Variants in FNDC3B observed in about 807,000 individuals in gnomAD.
FNDC3B encodes the protein fibronectin type III domain containing 3B.
FNDC3B carries 12 observed loss-of-function variants against 151.5 expected under a neutral mutation model. That is an observed-to-expected ratio of 0.08 (90% CI 0.05 to 0.13). FNDC3B has a LOEUF of 0.13. Ranked by LOEUF, FNDC3B falls within the 10% of genes least tolerant of loss-of-function variation. The pLI is 1.00. For synonymous variants in FNDC3B, 528 were observed against 549.0 expected (o/e 0.96, Z 0.54); for missense variants, 1,214 against 1,505.3 (o/e 0.81, Z 3.20).
chr3:172,194,842 T>C (rs533152186), intron 3 of FNDC3B, among the ~76,000 whole-genome samples: 1 of 152,320 alleles, frequency 6.6e-6, no homozygotes, highest in African/African-American at 2.4e-5. Flanking sequence ...CTAATTCTAA[T>C]ACCATGGTGA....
intron 1 of FNDC3B, among the ~76,000 whole-genome samples, chr3:172,051,443 A>G (rs1229658543): frequency 6.6e-6 from 1 of 152,178 alleles, no homozygotes; most frequent in East Asian, 1.9e-4. Context: ...TCGTGGGTAC[A>G]CAGTAAATAT....
chr3:172,055,975 G>T (rs1044776936), intron 1 of FNDC3B, among the ~76,000 whole-genome samples: 6 of 152,068 alleles, frequency 3.9e-5, no homozygotes, highest in Non-Finnish European at 7.4e-5. Flanking sequence ...TAGAGACGGG[G>T]TTTCACCATG....
At chr3:172,194,919 C>T (rs1397545621) in intron 3 of FNDC3B, among the ~76,000 whole-genome samples, 11 of 152,140 alleles carry the variant, frequency 7.2e-5, no homozygotes, top group African/African-American at 2.4e-4. Context: ...GGCGAAGTAA[C>T]GGCTTCTTAG....
chr3:172,198,622 C>A (rs532927259), intron 3 of FNDC3B, among the ~76,000 whole-genome samples: 7 of 152,316 alleles, frequency 4.6e-5, no homozygotes, highest in Admixed American at 1.3e-4. Context: ...TGTCAGACTG[C>A]CATCGTAGGT....
At position 172,040,072 on chromosome 3, in the gene FNDC3B, C is replaced by T. The variant is rs937717917; in HGVS notation, c.-29+301C>T. On this transcript the variant is annotated intron_variant, in intron 1 of 25. Coordinates refer to ENST00000415807, the MANE Select transcript of FNDC3B (RefSeq NM_022763.4). The surrounding 1 kb of genome is among the most constrained non-coding windows in gnomAD (Gnocchi z 6.6). ...AGGAGTGAAAGAAACGGGTAGATTC[C>T]TCTTAAAAAAAATTGGGCAGTGGCT... Among the ~76,000 whole-genome samples, 1 of 152,140 alleles carries T rather than the reference C, an allele frequency of 6.6e-6. No individual in the cohort carries two copies. Among genetic ancestry groups the T allele is most frequent in the Non-Finnish European group, 1.5e-5 (1 of 68,000 alleles).
At chr3:172,224,596 C>T (rs1020819324) in intron 3 of FNDC3B, among the ~76,000 whole-genome samples, 5 of 152,276 alleles carry the variant, frequency 3.3e-5, no homozygotes, top group Admixed American at 2.6e-4. Context: ...TGTCCCTTTC[C>T]CCCTGCTGAG....
At chr3:172,339,720 T>C (rs1462790195) in intron 16 of FNDC3B, among the ~76,000 whole-genome samples, 1 of 152,230 alleles carries the variant, frequency 6.6e-6, no homozygotes, top group Non-Finnish European at 1.5e-5. Flanking sequence ...TAGCTACTGA[T>C]GACAAATCAA....
chr3:172,153,355 T>C (rs1415474095), intron 3 of FNDC3B, among the ~76,000 whole-genome samples: 3 of 152,174 alleles, frequency 2.0e-5, no homozygotes, highest in African/African-American at 4.8e-5. Context: ...AGCCTTTTTT[T>C]CCAAGCCGAG....
intron 25 of FNDC3B, among the ~76,000 whole-genome samples, chr3:172,388,001 A>G (rs1194032531): frequency 6.6e-6 from 1 of 152,230 alleles, no homozygotes; most frequent in Admixed American, 6.5e-5. Context: ...TCCCATAGTC[A>G]TGTAATTCTG....
At chr3:172,074,862 C>G (rs931360613) in intron 1 of FNDC3B, among the ~76,000 whole-genome samples, 3 of 152,134 alleles carry the variant, frequency 2.0e-5, no homozygotes, top group African/African-American at 7.2e-5. Flanking sequence ...GTCAAACTAT[C>G]CACCCTGTTC....
chr3:172,058,810 A>G (rs1717042985), intron 1 of FNDC3B, among the ~76,000 whole-genome samples: 2 of 152,182 alleles, frequency 1.3e-5, no homozygotes, highest in Admixed American at 6.5e-5. Context: ...TAGCACCATA[A>G]CTTCCGGTCA....
At chr3:172,393,924 G>A (rs1431111583) in intron 25 of FNDC3B, among the ~76,000 whole-genome samples, 1 of 151,302 alleles carries the variant, frequency 6.6e-6, no homozygotes, top group Non-Finnish European at 1.5e-5. Context: ...CTGGCTAATA[G>A]GGTAAAACCC....
chr3:172,228,688 C>T (rs1275275898), intron 4 of FNDC3B, among the ~76,000 whole-genome samples: 2 of 151,976 alleles, frequency 1.3e-5, no homozygotes, highest in African/African-American at 4.8e-5. Context: ...ACAGGTATGG[C>T]AGAATATGCT....
intron 1 of FNDC3B, among the ~76,000 whole-genome samples, chr3:172,083,524 A>G (rs1424043730): frequency 6.6e-6 from 1 of 152,248 alleles, no homozygotes; most frequent in Non-Finnish European, 1.5e-5. Flanking sequence ...ACAAAATGGC[A>G]GGATATGTAG....
intron 1 of FNDC3B, among the ~76,000 whole-genome samples, chr3:172,097,054 CTAAG>C (rs1463933137): frequency 3.3e-5 from 5 of 152,150 alleles, no homozygotes; most frequent in Non-Finnish European, 5.9e-5. Context: ...GTTAGTACAG[CTAAG>C]TAAGTATGTA....
At chr3:172,359,631 T>G (rs903863809) in intron 22 of FNDC3B, among the ~76,000 whole-genome samples, 9 of 152,216 alleles carry the variant, frequency 5.9e-5, no homozygotes, top group African/African-American at 2.2e-4. Flanking sequence ...ACTGCCTTTT[T>G]AAAAAGATTT....
At chr3:172,050,307 C>G (rs1236072440) in intron 1 of FNDC3B, among the ~76,000 whole-genome samples, 1 of 152,164 alleles carries the variant, frequency 6.6e-6, no homozygotes, top group African/African-American at 2.4e-5. Flanking sequence ...GTTTACCATT[C>G]ATTCCAGAAC....
intron 3 of FNDC3B, among the ~76,000 whole-genome samples, chr3:172,180,058 T>C (rs1723811660): frequency 6.6e-6 from 1 of 152,178 alleles, no homozygotes; most frequent in South Asian, 2.1e-4. Context: ...AACATTTCTC[T>C]TCTTCTCTTC....
chr3:172,166,479 C>T (rs549526360), intron 3 of FNDC3B, among the ~76,000 whole-genome samples: 8 of 152,286 alleles, frequency 5.3e-5, no homozygotes, highest in East Asian at 1.9e-4. Context: ...TGTGTGCTCT[C>T]GTGACAGTCT....
Sources: gnomAD v4.1 joint callset for allele counts (sites outside exome capture counted in the v4.1 genomes callset) on GRCh38, gnomAD v4.1.1 for gene constraint, Gnocchi (gnomAD v3.1) non-coding constraint, MANE v1.5 for transcripts, NCBI Gene and HGNC (gene_info 2026-07-23, HGNC 2026-07-21) for gene names.